Variants in CEP83 observed in about 807,000 individuals in gnomAD.
CEP83 encodes centrosomal protein of 83 kDa.
A neutral mutation model predicts 101.9 loss-of-function variants in CEP83; 70 were observed. The observed-to-expected ratio is 0.69, with a 90% CI of 0.57 to 0.84. CEP83 has a LOEUF of 0.84. Among genes scored for constraint, CEP83 ranks in the 40% least tolerant of loss-of-function variants. The pLI is 0.00. For synonymous variants in CEP83, 264 were observed against 267.9 expected (o/e 0.99, Z 0.14); for missense variants, 715 against 787.2 (o/e 0.91, Z 1.10).
chr12:94,430,401 G>A (rs1352428351), intron 2 of CEP83, among the ~76,000 whole-genome samples: 1 of 151,308 alleles, frequency 6.6e-6, no homozygotes, highest in Non-Finnish European at 1.5e-5. Context: ...ATATGAATGA[G>A]AAATTTATGA....
intron 6 of CEP83, among the ~76,000 whole-genome samples, chr12:94,398,205 A>C (rs1005582498): frequency 1.3e-5 from 2 of 152,356 alleles, no homozygotes; most frequent in Admixed American, 6.5e-5. Flanking sequence ...ATGTTATGGC[A>C]TATGCAAATA....
intron 2 of CEP83, among the ~76,000 whole-genome samples, chr12:94,431,740 T>A (rs2065641636): frequency 6.6e-6 from 1 of 151,970 alleles, no homozygotes; most frequent in Non-Finnish European, 1.5e-5. Context: ...CAGCAACATA[T>A]CATCTTATCC....
intron 1 of CEP83, among the ~76,000 whole-genome samples, chr12:94,451,697 G>A (rs2067265975): frequency 1.3e-5 from 2 of 152,056 alleles, no homozygotes; most frequent in African/African-American, 4.8e-5. Flanking sequence ...ATACATTGCT[G>A]GTAGGATGTA....
At chr12:94,449,602 C>T (rs925141940) in intron 1 of CEP83, among the ~76,000 whole-genome samples, 3 of 138,468 alleles carry the variant, frequency 2.2e-5, no homozygotes, top group East Asian at 4.2e-4. Context: ...CAAAAAATAC[C>T]GAAAAAAAAA....
chr12:94,297,205 T>C, the CEP83 span: 1 of 1,614,140 alleles, frequency 6.2e-7, no homozygotes, highest in Non-Finnish European at 8.5e-7. Flanking sequence ...AGTACTCGGA[T>C]GACCACTGCC....
At chr12:94,423,457 C>CTTTTTTTTTTTT (rs763433431) in intron 2 of CEP83, among the ~76,000 whole-genome samples, 2 of 120,562 alleles carry the variant, frequency 1.7e-5, no homozygotes, top group African/African-American at 3.1e-5. Context: ...TCTGGTTCAA[C>CTTTTTTTTTTTT]TTTTTTTTTT....
intron 2 of CEP83, among the ~76,000 whole-genome samples, chr12:94,426,297 C>T (rs1246482856): frequency 1.3e-5 from 2 of 152,136 alleles, no homozygotes; most frequent in African/African-American, 4.8e-5. Context: ...AATTCCTATT[C>T]AGCCTTCAAA....
intron 11 of CEP83, among the ~76,000 whole-genome samples, chr12:94,338,242 G>A (rs1395547163): frequency 6.6e-6 from 1 of 152,136 alleles, no homozygotes; most frequent in Non-Finnish European, 1.5e-5. Flanking sequence ...TGAATACATA[G>A]TCACCAAGAA....
intron 14 of CEP83, among the ~76,000 whole-genome samples, chr12:94,319,997 G>T (rs749559601): frequency 2.0e-5 from 3 of 152,160 alleles, no homozygotes; most frequent in Non-Finnish European, 4.4e-5. Flanking sequence ...CTCTTTGTAG[G>T]TCTCTAAGAA....
the CEP83 span, among the ~76,000 whole-genome samples, chr12:94,269,095 C>T: frequency 0.012 from 1,898 of 152,190 alleles, 47 homozygotes; most frequent in African/African-American, 0.043. Flanking sequence ...ATGAGAAAAA[C>T]CAATAACTCG....
the CEP83 span, among the ~76,000 whole-genome samples, chr12:94,281,221 G>C: frequency 6.6e-6 from 1 of 152,204 alleles, no homozygotes; most frequent in East Asian, 1.9e-4. Context: ...AGAGGTTGCA[G>C]TGAGCCCAGA....
intron 11 of CEP83, among the ~76,000 whole-genome samples, chr12:94,345,287 T>C (rs988240116): frequency 6.6e-6 from 1 of 152,204 alleles, no homozygotes. Flanking sequence ...ATGATGTATA[T>C]ATATTGGTTT....
intron 14 of CEP83, among the ~76,000 whole-genome samples, chr12:94,317,407 CTTAAGT>C (rs1300964759): frequency 2.0e-5 from 3 of 152,182 alleles, no homozygotes; most frequent in Non-Finnish European, 4.4e-5. Flanking sequence ...TGCAGAAGCT[CTTAAGT>C]TTAATTAGAA....
At chr12:94,357,752 A>G (rs932417972) in intron 11 of CEP83, among the ~76,000 whole-genome samples, 2 of 152,230 alleles carry the variant, frequency 1.3e-5, no homozygotes, top group African/African-American at 2.4e-5. Flanking sequence ...GTAAGTTTAA[A>G]AGGTGTACAA....
At chr12:94,460,287 C>T (rs76979817), upstream of CEP83, 6,206 of 152,720 alleles carry the variant, frequency 0.041, 152 homozygotes, top group Admixed American at 0.07. Flanking sequence ...GGTTTTCCTC[C>T]TTTTCGCGCC....
At chr12:94,359,165 A>G (rs1382253586) in intron 11 of CEP83, among the ~76,000 whole-genome samples, 5 of 152,192 alleles carry the variant, frequency 3.3e-5, no homozygotes, top group African/African-American at 9.7e-5. Flanking sequence ...ATATGTGGGT[A>G]AATCTCTGTT....
chr12:94,321,768 T>C (rs962143360), intron 14 of CEP83, among the ~76,000 whole-genome samples: 1 of 152,078 alleles, frequency 6.6e-6, no homozygotes, highest in African/African-American at 2.4e-5. Flanking sequence ...TCCCTCCCAC[T>C]AGGAGCTCTG....
intron 13 of CEP83, among the ~76,000 whole-genome samples, chr12:94,332,658 A>G (rs1281822228): frequency 1.3e-5 from 2 of 152,146 alleles, no homozygotes; most frequent in African/African-American, 2.4e-5. Flanking sequence ...TTACAAAATA[A>G]AAGAAAAATA....
intron 6 of CEP83, among the ~76,000 whole-genome samples, chr12:94,385,612 C>A (rs1465272126): frequency 6.6e-6 from 1 of 152,178 alleles, no homozygotes; most frequent in Non-Finnish European, 1.5e-5. Flanking sequence ...AACATAAATT[C>A]TCCCTTAAAT....
Sources: allele counts gnomAD v4.1 joint callset (sites outside exome capture counted in the v4.1 genomes callset), GRCh38; gene constraint gnomAD v4.1.1; transcripts MANE v1.5; gene names NCBI Gene and HGNC (gene_info 2026-07-23, HGNC 2026-07-21).